GSPT1: variants seen among roughly 807,000 people sequenced by gnomAD.
GSPT1 encodes eukaryotic peptide chain release factor GTP-binding subunit ERF3A.
GSPT1 carries 20 observed loss-of-function variants against 72.5 expected under a neutral mutation model. That is an observed-to-expected ratio of 0.28 (90% CI 0.19 to 0.40). The LOEUF is 0.40. Among genes scored for constraint, GSPT1 ranks in the 10% least tolerant of loss-of-function variants. GSPT1 has a pLI of 1.00. For missense variants in GSPT1, 580 were observed against 811.9 expected (o/e 0.71, Z 3.47); for synonymous variants, 334 against 293.5 (o/e 1.14, Z -1.41).
chr16:11,882,777 A>G (rs949008237), intron 11 of GSPT1, among the ~76,000 whole-genome samples: 1 of 151,944 alleles, frequency 6.6e-6, no homozygotes, highest in African/African-American at 2.4e-5. Flanking sequence ...CAACATAGTG[A>G]GACCCCATCT....
At chr16:11,890,959 G>T in intron 6 of GSPT1, 103 bp downstream of exon 6, 3 of 621,710 alleles carry the variant, frequency 4.8e-6, no homozygotes, top group African/African-American at 1.9e-5. Context: ...GTTGTGATAC[G>T]ATTTTAGACT....
In GSPT1 at chr16:11,870,066, T is replaced by A. The variant is rs2053961709; in HGVS notation, c.*3053A>T. 6.6e-6 allele frequency: 1 copy of A among 152,042 alleles called. No homozygotes were observed. The highest frequency in any genetic ancestry group is 1.5e-5 in the Non-Finnish European group (1 of 68,014). 9.4% of individuals were successfully genotyped at this position (152,042 alleles called of 1,614,324 possible). A position where few individuals can be genotyped will look rare whatever the true frequency, so the allele number is the denominator to read the frequency against. On this transcript the variant is annotated 3_prime_UTR_variant, in exon 15 of 15. Coordinates refer to ENST00000434724, the MANE Select transcript of GSPT1 (RefSeq NM_002094.4). ...CAGTGAACAACCTGCACTGTTAGAG[T>A]TTAGGAACTTTTGACATTCGGTTAT...
At position 11,868,829 on chromosome 16, in the gene GSPT1, C is replaced by G. The variant is rs1596449781; in HGVS notation, c.*4290G>C. 1.3e-5 allele frequency: 2 copies of G among 152,320 alleles called. No individual in the cohort carries two copies. The highest frequency in any genetic ancestry group is 4.8e-5 in the African/African-American group (2 of 41,574). The allele number at this position is 152,320 out of a possible 1,614,324, so 9.4% of individuals were successfully genotyped here. The stretch of plus-strand genomic sequence containing the variant: ...ACAAGGCAGAAAACAATAACCATTT[C>G]AAGGATCACTTAAGGAATCCTGGTG... On this transcript the variant is annotated 3_prime_UTR_variant, in exon 15 of 15. Coordinates refer to ENST00000434724, the MANE Select transcript of GSPT1 (RefSeq NM_002094.4).
intron 1 of GSPT1, among the ~76,000 whole-genome samples, chr16:11,901,290 T>C (rs2054402889): frequency 6.6e-6 from 1 of 152,248 alleles, no homozygotes; most frequent in South Asian, 2.1e-4. Flanking sequence ...CTAATGAGCC[T>C]GGGCTTAGAA....
chr16:11,890,239 C>T (rs1429974063), intron 6 of GSPT1, among the ~76,000 whole-genome samples: 1 of 152,176 alleles, frequency 6.6e-6, no homozygotes, highest in East Asian at 1.9e-4. Context: ...AGATTACAGG[C>T]TTAAGCCACT....
chr16:11,874,454 C>T (rs947255547), intron 14 of GSPT1, among the ~76,000 whole-genome samples: 46 of 95,868 alleles, frequency 4.8e-4, no homozygotes, highest in Non-Finnish European at 5.9e-4. Flanking sequence ...GCCAAGTTAG[C>T]TTTTTTTTTT....
intron 1 of GSPT1, among the ~76,000 whole-genome samples, chr16:11,906,369 G>C (rs914403161): frequency 1.3e-4 from 20 of 152,112 alleles, no homozygotes; most frequent in African/African-American, 4.8e-4. Flanking sequence ...GGTGGTTCCC[G>C]CCTATAAACC....
At chr16:11,914,972 G>A in intron 1 of GSPT1, 1 of 1,273,540 alleles carries the variant, frequency 7.9e-7, no homozygotes. Context: ...CAACTCCTGG[G>A]ATCTCTAAAC....
chr16:11,902,683 G>A (rs868565423), intron 1 of GSPT1, among the ~76,000 whole-genome samples: 50 of 151,676 alleles, frequency 3.3e-4, no homozygotes, highest in African/African-American at 9.9e-4. Flanking sequence ...CACCTCCTGG[G>A]TTCAAGCGAT....
At chr16:11,893,185 A>T (rs894846503) in intron 5 of GSPT1, among the ~76,000 whole-genome samples, 1 of 152,116 alleles carries the variant, frequency 6.6e-6, no homozygotes, top group African/African-American at 2.4e-5. Context: ...AGTTGAGCAC[A>T]GGAATTTGAA....
chr16:11,897,074 C>A (rs1374849672), intron 3 of GSPT1, among the ~76,000 whole-genome samples: 1 of 152,134 alleles, frequency 6.6e-6, no homozygotes, highest in African/African-American at 2.4e-5. Context: ...AGAGTTCTAA[C>A]ATTCCCAACA....
At chr16:11,914,563 C>T (rs1156373759) in intron 1 of GSPT1, among the ~76,000 whole-genome samples, 3 of 152,190 alleles carry the variant, frequency 2.0e-5, no homozygotes, top group Admixed American at 6.5e-5. Context: ...TGCACGAACA[C>T]AGTGAGTTAT....
Position 11,915,394 on chromosome 16 carries a change from G to A in GSPT1, c.327C>T (p.Ala109=), listed in dbSNP as rs764512858. The A allele has an allele frequency of 8.0e-6, 12 of 1,501,026 alleles. No individual in the cohort carries two copies. The highest frequency in any genetic ancestry group is 1.3e-5 in the South Asian group (1 of 78,784). 93.0% of individuals were successfully genotyped at this position (1,501,026 alleles called of 1,614,324 possible). A position where few individuals can be genotyped will look rare whatever the true frequency, so the allele number is the denominator to read the frequency against. Residue 109 remains alanine (A), a synonymous_variant, in exon 1 of 15, where the codon GCC becomes GCT. Coordinates refer to ENST00000434724, the MANE Select transcript of GSPT1 (RefSeq NM_002094.4). ...PVGGAANNHG[A]GSGAGGRAAP... ...CCGCACGGCCTCCCGCGCCGCTGCC[G>A]GCTCCGTGGTTATTGGCGGCGCCGC... is the stretch of plus-strand genomic sequence containing the variant.
At chr16:11,896,528 G>T (rs760814803) in intron 4 of GSPT1, 30 bp downstream of exon 4, 15 of 1,231,168 alleles carry the variant, frequency 1.2e-5, no homozygotes, top group Non-Finnish European at 1.8e-5. Context: ...TATGTATCCA[G>T]TAACTTTAAT....
chr16:11,878,353 G>T (rs902546791), intron 11 of GSPT1, among the ~76,000 whole-genome samples: 2 of 152,052 alleles, frequency 1.3e-5, no homozygotes, highest in South Asian at 4.1e-4. Flanking sequence ...CTGACCTCAG[G>T]TGATCCACCC....
chr16:11,890,153 G>C (rs931513378), intron 6 of GSPT1, among the ~76,000 whole-genome samples: 2 of 150,440 alleles, frequency 1.3e-5, no homozygotes, highest in Non-Finnish European at 3.0e-5. Context: ...GTAGAGACGG[G>C]GTTTCACCAT....
chr16:11,886,649 T>C (rs769757185), intron 8 of GSPT1, 38 bp from the exon 9 acceptor site: 12 of 1,578,876 alleles, frequency 7.6e-6, no homozygotes, highest in East Asian at 4.5e-5. Context: ...TCAATTATAA[T>C]GTAAACCAAG....
intron 4 of GSPT1, 135 bp from the exon 5 acceptor site, chr16:11,895,122 C>CTAA (rs1567444750): frequency 3.3e-6 from 2 of 612,720 alleles, no homozygotes; most frequent in Admixed American, 5.3e-5. Context: ...AGTTCATTAC[C>CTAA]CTTCTCCTTT....
In GSPT1 at chr16:11,896,630, G is replaced by A; in HGVS notation, c.592C>T (p.Pro198Ser). The change falls in exon 4 of 15, where the codon CCT becomes TCT. Residue 198 changes from proline (P) to serine (S), a missense_variant. Pro to Ser is a moderately conservative substitution (Grantham distance 74, BLOSUM62 -1). This residue lies in a region of GSPT1 where 327 missense variants were observed against 298.8 expected (regional missense o/e 1.09). Transcript: ENST00000434724. ...MMEEEEEIPK[P>S]KSVVAPPGAP... ...CCTGGCGGTGCAACCACAGACTTAG[G>A]TTTTGGGATTTCCTCTTCCTCCTCC... 6.2e-7 allele frequency: 1 copy of A among 1,610,146 alleles called. No homozygotes were observed. The highest frequency in any genetic ancestry group is 1.1e-5 in the South Asian group (1 of 90,008).
Sources: allele counts gnomAD v4.1 joint callset (sites outside exome capture counted in the v4.1 genomes callset), GRCh38; gene constraint gnomAD v4.1.1; regional missense constraint gnomAD v4.1.1; transcripts MANE v1.5; gene names NCBI Gene and HGNC (gene_info 2026-07-23, HGNC 2026-07-21).